The following COL5A1 variants were observed in gnomAD, a reference collection of about 807,000 sequenced individuals.
COL5A1 encodes the protein collagen alpha-1(V) chain.
COL5A1 carries 16 observed loss-of-function variants against 263.7 expected under a neutral mutation model. That is an observed-to-expected ratio of 0.06 (90% CI 0.04 to 0.09). COL5A1 has a LOEUF of 0.09. Ranked by LOEUF, COL5A1 falls within the 10% of genes least tolerant of loss-of-function variation. The pLI is 1.00. For synonymous variants in COL5A1, 1,012 were observed against 1,004.5 expected (o/e 1.01, Z -0.14); for missense variants, 2,036 against 2,540.5 (o/e 0.80, Z 4.27).
intron 2 of COL5A1, among the ~76,000 whole-genome samples, chr9:134,699,407 G>A (rs866530575): frequency 3.9e-5 from 6 of 152,140 alleles, no homozygotes; most frequent in African/African-American, 1.2e-4. Flanking sequence ...TTCTAGTGGC[G>A]GTTCGAGGCT....
At chr9:134,827,163 T>G (rs1839318406) in intron 63 of COL5A1, among the ~76,000 whole-genome samples, 1 of 152,202 alleles carries the variant, frequency 6.6e-6, no homozygotes, top group Admixed American at 6.5e-5. Flanking sequence ...CTCTGCTTCC[T>G]AACAACCTCA....
chr9:134,743,781 T>C (rs1835375030), intron 11 of COL5A1, among the ~76,000 whole-genome samples: 1 of 152,238 alleles, frequency 6.6e-6, no homozygotes, highest in Non-Finnish European at 1.5e-5. Context: ...CCCTCTTTTT[T>C]ATGTGTCCAG....
intron 2 of COL5A1, among the ~76,000 whole-genome samples, chr9:134,693,254 A>G (rs866084369): frequency 1.3e-5 from 2 of 151,724 alleles, no homozygotes; most frequent in African/African-American, 4.8e-5. Context: ...TTACCGTGAC[A>G]CAGTGAAGCA....
In COL5A1 at chr9:134,711,852, A is replaced by C. The variant is rs1460851681; in HGVS notation, c.654+10519A>C. Among the ~76,000 whole-genome samples, 4 of 151,890 alleles carry C rather than the reference A, an allele frequency of 2.6e-5. No individual in the cohort carries two copies. The East Asian group carries it at 7.8e-4, about 29-fold the overall frequency. On this transcript the variant is annotated intron_variant, in intron 4 of 65. Coordinates refer to ENST00000371817, the MANE Select transcript of COL5A1 (RefSeq NM_000093.5). Reference sequence around the variant, plus strand: ...GTCCCCTTTCAGCGTCTCGTTCTCCAGCCCCATAGAGCCACTGCCTGGCCC... The same window carrying C: ...GTCCCCTTTCAGCGTCTCGTTCTCCCGCCCCATAGAGCCACTGCCTGGCCC...
chr9:134,697,443 G>A (rs1332953009), intron 2 of COL5A1, among the ~76,000 whole-genome samples: 1 of 152,202 alleles, frequency 6.6e-6, no homozygotes, highest in Non-Finnish European at 1.5e-5. Flanking sequence ...GGAGACATGA[G>A]TGTGCGCAAC....
rs1470001450 is a variant in COL5A1 at position 134,716,574 on chromosome 9, G to A, written c.655-10692G>A. Among the ~76,000 whole-genome samples the A allele has an allele frequency of 6.6e-6, 1 of 152,130 alleles. No individual in the cohort carries two copies. The highest frequency in any genetic ancestry group is 6.6e-5 in the Admixed American group (1 of 15,262). ...TTGAGGAGGTGAACCCCCACCCTTT[G>A]GAGAGAGCAAGTCTTTGAGGAGGTG... is the stretch of plus-strand genomic sequence containing the variant. On this transcript the variant is annotated intron_variant, in intron 4 of 65. Coordinates refer to ENST00000371817, the MANE Select transcript of COL5A1 (RefSeq NM_000093.5). The surrounding 1 kb of genome is among the most constrained non-coding windows in gnomAD (Gnocchi z 4.5).
intron 7 of COL5A1, 59 bp downstream of exon 7, chr9:134,730,534 G>T (rs1834843507): frequency 5.0e-6 from 8 of 1,608,376 alleles, no homozygotes; most frequent in African/African-American, 1.3e-5. Flanking sequence ...GCCAGGGCTG[G>T]GGCCACAATG....
intron 11 of COL5A1, among the ~76,000 whole-genome samples, chr9:134,743,173 C>T (rs1005223904): frequency 1.3e-5 from 2 of 152,174 alleles, no homozygotes; most frequent in East Asian, 3.9e-4. Flanking sequence ...AAGCCTTGCA[C>T]CCCAGGCACT....
chr9:134,716,451 CG>C lies in COL5A1; in HGVS notation c.655-10814del, dbSNP rs1834265655. Among the ~76,000 whole-genome samples the C allele has an allele frequency of 6.6e-6, 1 of 150,730 alleles. No individual in the cohort carries two copies. The highest frequency in any genetic ancestry group is 2.1e-4 in the South Asian group (1 of 4,670). ...AACAGTGTCTGCAGGCCCGCTGCTC[CG>C]AAAGTCAAGATGTGGAGAAGGAGCA... On this transcript the variant is annotated intron_variant, in intron 4 of 65. Coordinates refer to ENST00000371817, the MANE Select transcript of COL5A1 (RefSeq NM_000093.5). The surrounding 1 kb of genome is among the most constrained non-coding windows in gnomAD (Gnocchi z 4.5).
intron 63 of COL5A1, among the ~76,000 whole-genome samples, chr9:134,826,461 C>T (rs973776935): frequency 3.3e-5 from 5 of 152,162 alleles, no homozygotes; most frequent in African/African-American, 1.2e-4. Context: ...ACCTCTGTGG[C>T]CTTTCGGAGG....
intron 27 of COL5A1, among the ~76,000 whole-genome samples, chr9:134,775,918 C>T (rs946037563): frequency 1.3e-5 from 2 of 152,166 alleles, no homozygotes; most frequent in African/African-American, 4.8e-5. Context: ...TGGAAACTGT[C>T]GTCTGCTCCG....
In COL5A1 at chr9:134,789,649, C is replaced by T. The variant is rs1837600066; in HGVS notation, c.2700+441C>T. Among the ~76,000 whole-genome samples, 1 of 152,190 alleles carries T rather than the reference C, an allele frequency of 6.6e-6. No individual in the cohort carries two copies. The highest frequency in any genetic ancestry group is 2.4e-5 in the African/African-American group (1 of 41,432). On this transcript the variant is annotated intron_variant, in intron 32 of 65. Transcript: ENST00000371817. This position sits in a 1 kb window ranked among gnomAD's most constrained non-coding sequence, Gnocchi z 4.8. Reference sequence around the variant, plus strand: ...TTAAAGTCATTTAAATTAACATTAACTTGGACGGGATTAGCAAGCTGCCAT... The same window carrying T: ...TTAAAGTCATTTAAATTAACATTAATTTGGACGGGATTAGCAAGCTGCCAT...
chr9:134,752,298 G>A (rs544350846), intron 13 of COL5A1, among the ~76,000 whole-genome samples: 2 of 150,484 alleles, frequency 1.3e-5, no homozygotes, highest in South Asian at 2.1e-4. Flanking sequence ...TCTCTGTGTG[G>A]GCTAGAGAGA....
At position 134,823,605 on chromosome 9, in the gene COL5A1, G is replaced by A. The variant is rs369932934; in HGVS notation, c.4698+136G>A. The A allele has an allele frequency of 5.2e-3, 4,385 of 848,526 alleles. 13 individuals are homozygous for A. Among genetic ancestry groups the A allele is most frequent in the Non-Finnish European group, 6.1e-3 (3,274 of 537,686 alleles). The allele number at this position is 848,526 out of a possible 1,614,324, so 52.6% of individuals were successfully genotyped here. A position where few individuals can be genotyped will look rare whatever the true frequency, so the allele number is the denominator to read the frequency against. ...GTGGCATGCCCGGGCCTTGTCCCTC[G>A]CACGCAGCCGGGGAAATGAGCCACA... On this transcript the variant is annotated intron_variant, in intron 61 of 65. Transcript: ENST00000371817.
At chr9:134,762,827 G>A (rs1268440646) in intron 19 of COL5A1, among the ~76,000 whole-genome samples, 1 of 152,074 alleles carries the variant, frequency 6.6e-6, no homozygotes, top group Non-Finnish European at 1.5e-5. Context: ...AGGAAGGAGA[G>A]AGGGACCCTT....
rs140424348 is a variant in COL5A1, at chr9:134,669,344, T to C, written c.110-21568T>C. Among the ~76,000 whole-genome samples, 3 of 132,792 alleles carry C rather than the reference T, an allele frequency of 2.3e-5. No individual in the cohort carries two copies. In the East Asian group the frequency reaches 8.0e-4, roughly 35 times the overall value. 87.1% of individuals were successfully genotyped at this position (132,792 alleles called of 152,430 possible). A position where few individuals can be genotyped will look rare whatever the true frequency, so the allele number is the denominator to read the frequency against. ...TCTCCTTCCTTCCTTCCTTCCTTCT[T>C]TCCATCCCTTCTTCCATCCATTCAT... On this transcript the variant is annotated intron_variant, in intron 1 of 65. Transcript: ENST00000371817.
chr9:134,792,853 ACACGTG>A (rs1424394477), intron 32 of COL5A1, among the ~76,000 whole-genome samples: 3 of 43,450 alleles, frequency 6.9e-5, no homozygotes, highest in Admixed American at 2.8e-4. Context: ...GTGTGTGCGC[ACACGTG>A]TGTGTGCGCG....
chr9:134,758,989 A>C lies in COL5A1; in HGVS notation c.1935+693A>C, dbSNP rs1341533924. 6.6e-6 allele frequency among the ~76,000 whole-genome samples: 1 copy of C among 152,102 alleles called. No homozygotes were observed. On this transcript the variant is annotated intron_variant, in intron 18 of 65. Transcript: ENST00000371817. This position sits in a 1 kb window ranked among gnomAD's most constrained non-coding sequence, Gnocchi z 4.1. ...AATAACAACGTGATAGAAAGCCTAC[A>C]ATCTCCTGCCCTGTTGAGGAGGTGT...
chr9:134,753,436 C>T (rs927803726), intron 14 of COL5A1, among the ~76,000 whole-genome samples: 4 of 152,134 alleles, frequency 2.6e-5, no homozygotes, highest in African/African-American at 7.2e-5. Flanking sequence ...TGGGCTCGGT[C>T]GCCTCCACAC....
Sources: gnomAD v4.1 joint callset for allele counts (sites outside exome capture counted in the v4.1 genomes callset) on GRCh38, gnomAD v4.1.1 for gene constraint, Gnocchi (gnomAD v3.1) non-coding constraint, MANE v1.5 for transcripts, NCBI Gene and HGNC (gene_info 2026-07-23, HGNC 2026-07-21) for gene names.